The following TMEM132D variants were observed in gnomAD, a reference collection of about 807,000 sequenced individuals.
TMEM132D encodes the protein transmembrane protein 132D, also known as mature OL transmembrane protein.
In TMEM132D, 21 loss-of-function variants were observed where a neutral mutation model predicts 62.3. That is an observed-to-expected ratio of 0.34 (90% CI 0.24 to 0.49). The LOEUF (loss-of-function observed/expected upper bound fraction) is 0.49, where lower values mean the gene tolerates loss of function less well. TMEM132D is among the 20% of genes least tolerant of loss of function. TMEM132D has a pLI of 0.99. For synonymous variants in TMEM132D, 621 were observed against 575.6 expected, an observed-to-expected ratio of 1.08 and a Z score of -1.13; for missense variants, 1,346 against 1,402.8, an observed-to-expected ratio of 0.96 and a Z score of 0.65.
intron 5 of TMEM132D, among the ~76,000 whole-genome samples, chr12:129,193,376 C>A (rs1878462803): frequency 6.6e-6 from 1 of 151,924 alleles, no homozygotes; most frequent in South Asian, 2.1e-4. Context: ...AATAATTCTC[C>A]ATCGCAGAAA....
intron 2 of TMEM132D, among the ~76,000 whole-genome samples, chr12:129,625,541 C>G (rs1272263910): frequency 6.6e-6 from 1 of 152,140 alleles, no homozygotes; most frequent in Non-Finnish European, 1.5e-5. Flanking sequence ...CTGGTCTCCC[C>G]AATACGAGAC....
chr12:129,362,498 C>G (rs1042172845), intron 3 of TMEM132D, among the ~76,000 whole-genome samples: 3 of 125,890 alleles, frequency 2.4e-5, no homozygotes, highest in Non-Finnish European at 4.7e-5. Flanking sequence ...CAAAATAAAG[C>G]TAACTCTTTC....
At chr12:129,135,510 G>A (rs992144869) in intron 5 of TMEM132D, among the ~76,000 whole-genome samples, 1 of 152,212 alleles carries the variant, frequency 6.6e-6, no homozygotes, top group Non-Finnish European at 1.5e-5. Context: ...GCACAAGTGG[G>A]TGATGCATAA....
chr12:129,374,918 A>T (rs901742244), intron 3 of TMEM132D, among the ~76,000 whole-genome samples: 1 of 152,190 alleles, frequency 6.6e-6, no homozygotes. Flanking sequence ...CCCACAAGCC[A>T]TGAGAGGTGA....
At chr12:129,599,370 T>C (rs371884641) in intron 2 of TMEM132D, among the ~76,000 whole-genome samples, 52 of 152,356 alleles carry the variant, frequency 3.4e-4, no homozygotes, top group African/African-American at 1.1e-3. Flanking sequence ...AATGTGATTT[T>C]GAATTACAGA....
intron 2 of TMEM132D, among the ~76,000 whole-genome samples, chr12:129,537,624 TCAATG>T (rs931088637): frequency 1.3e-5 from 2 of 152,196 alleles, no homozygotes; most frequent in Non-Finnish European, 2.9e-5. Flanking sequence ...ACCTGTGACT[TCAATG>T]CAACCCATTT....
intron 1 of TMEM132D, among the ~76,000 whole-genome samples, chr12:129,845,950 C>A (rs114252682): frequency 0.012 from 1,876 of 152,296 alleles, 40 homozygotes; most frequent in African/African-American, 0.042. Flanking sequence ...AGTTATGCAG[C>A]AATTTCTAGA....
chr12:129,251,085 C>A (rs1388244652), intron 4 of TMEM132D, among the ~76,000 whole-genome samples: 2 of 152,072 alleles, frequency 1.3e-5, no homozygotes, highest in African/African-American at 4.8e-5. Flanking sequence ...AAGCTGGGCG[C>A]CGTGGCTCAC....
intron 3 of TMEM132D, among the ~76,000 whole-genome samples, chr12:129,386,886 T>C (rs1325184210): frequency 6.8e-6 from 1 of 146,008 alleles, no homozygotes; most frequent in Non-Finnish European, 1.5e-5. Flanking sequence ...CTAATCATAA[T>C]ACAAACACAA....
chr12:129,780,940 T>C (rs1029975839), intron 1 of TMEM132D, among the ~76,000 whole-genome samples: 15 of 152,258 alleles, frequency 9.9e-5, no homozygotes, highest in Admixed American at 3.9e-4. Context: ...GTGAATTAAT[T>C]TCTAACCAGC....
chr12:129,256,857 G>A (rs766139449), intron 4 of TMEM132D, among the ~76,000 whole-genome samples: 23 of 152,172 alleles, frequency 1.5e-4, no homozygotes, highest in Admixed American at 2.6e-4. Context: ...CACCACGCCC[G>A]GCCTGTTTAT....
intron 3 of TMEM132D, among the ~76,000 whole-genome samples, chr12:129,452,810 T>C (rs946127809): frequency 6.6e-6 from 1 of 152,180 alleles, no homozygotes; most frequent in African/African-American, 2.4e-5. Context: ...TGCACTTCCT[T>C]CTTGTGCAAT....
chr12:129,491,322 A>G (rs906967415), intron 3 of TMEM132D, among the ~76,000 whole-genome samples: 15 of 152,196 alleles, frequency 9.9e-5, no homozygotes, highest in Non-Finnish European at 1.5e-4. Context: ...TGATTTTATC[A>G]TATTTATTTC....
intron 2 of TMEM132D, among the ~76,000 whole-genome samples, chr12:129,620,022 C>T (rs1375681729): frequency 6.6e-6 from 1 of 152,192 alleles, no homozygotes; most frequent in African/African-American, 2.4e-5. Context: ...AAACCATACA[C>T]ATCAATTTCT....
chr12:129,426,444 TAAG>T (rs147574378), intron 3 of TMEM132D, among the ~76,000 whole-genome samples: 17,378 of 152,084 alleles, frequency 0.11, 1,666 homozygotes, highest in East Asian at 0.48. Context: ...ATTCTGTAAG[TAAG>T]AAGAAGGATA....
chr12:129,178,064 T>G (rs1877958184), intron 5 of TMEM132D, among the ~76,000 whole-genome samples: 1 of 152,212 alleles, frequency 6.6e-6, no homozygotes, highest in Non-Finnish European at 1.5e-5. Context: ...GGATAATGGC[T>G]TCCAGCTTCA....
chr12:129,623,385 A>G (rs915317738), intron 2 of TMEM132D, among the ~76,000 whole-genome samples: 11 of 152,248 alleles, frequency 7.2e-5, no homozygotes, highest in East Asian at 1.9e-4. Context: ...TGTCACCCAA[A>G]GAGTGTGCAG....
At chr12:129,702,587 T>C (rs2137229590) in intron 1 of TMEM132D, among the ~76,000 whole-genome samples, 1 of 152,318 alleles carries the variant, frequency 6.6e-6, no homozygotes, top group East Asian at 1.9e-4. Context: ...TTTCCTTGAC[T>C]GTATGATTCT....
intron 1 of TMEM132D, among the ~76,000 whole-genome samples, chr12:129,769,936 T>G (rs921450530): frequency 9.9e-5 from 15 of 152,052 alleles, no homozygotes; most frequent in Admixed American, 8.5e-4. Flanking sequence ...GAGGCTAGGA[T>G]GCAGTGGTAT....
Sources: gnomAD v4.1 joint callset for allele counts (sites outside exome capture counted in the v4.1 genomes callset) on GRCh38, gnomAD v4.1.1 for gene constraint, MANE v1.5 for transcripts, NCBI Gene and HGNC (gene_info 2026-07-23, HGNC 2026-07-21) for gene names.